SORL1: variants seen among roughly 807,000 people sequenced by gnomAD.
The protein encoded by SORL1 is sortilin-related receptor.
Under a neutral mutation model 273.7 loss-of-function variants are expected in SORL1, and 127 were observed. That is an observed-to-expected ratio of 0.46 (90% CI 0.40 to 0.54). The LOEUF is 0.54. Ranked by LOEUF, SORL1 falls within the 20% of genes least tolerant of loss-of-function variation. The pLI, the probability that SORL1 is intolerant of heterozygous loss-of-function variation, is 0.00. For missense variants in SORL1, 2,494 were observed against 2,846.1 expected, an observed-to-expected ratio of 0.88 and a Z score of 2.81; for synonymous variants, 1,031 against 1,067.4, an observed-to-expected ratio of 0.97 and a Z score of 0.66.
In SORL1 at chr11:121,627,287, A is replaced by G; in HGVS notation, c.6365-268A>G. ...CCAACAAAGGTCTCCCTTCCAAGAG[A>G]TTATCTAAATAACCAACAAGGCAGT... On this transcript the variant is annotated intron_variant, in intron 46 of 47. Coordinates refer to ENST00000260197, the MANE Select transcript of SORL1 (RefSeq NM_003105.6). The surrounding 1 kb of genome is among the most constrained non-coding windows in gnomAD (Gnocchi z 4.9). The G allele has an allele frequency of 2.1e-6, 1 of 467,846 alleles. No homozygotes were observed. Among genetic ancestry groups the G allele is most frequent in the Non-Finnish European group, 3.8e-6 (1 of 260,680 alleles). The allele number at this position is 467,846 out of a possible 1,614,324, so 29.0% of individuals were successfully genotyped here.
At position 121,606,965 on chromosome 11, in the gene SORL1, C is replaced by T. The variant is rs1167931661; in HGVS notation, c.5061+8C>T. The T allele has an allele frequency of 1.9e-6, 3 of 1,590,154 alleles. No individual in the cohort carries two copies. Among genetic ancestry groups the T allele is most frequent in the Admixed American group, 3.3e-5 (2 of 59,926 alleles). On this transcript the variant is annotated splice_region_variant and intron_variant, in intron 36 of 47. Transcript: ENST00000260197. ...CTCATCCGTGAGTACATTGTAAGTACCTTCCATGAGTTGGCTGTATGTGTG... is the reference window on the plus strand; with the variant it reads ...CTCATCCGTGAGTACATTGTAAGTATCTTCCATGAGTTGGCTGTATGTGTG...
intron 12 of SORL1, among the ~76,000 whole-genome samples, chr11:121,538,543 G>A (rs1488194003): frequency 6.6e-6 from 1 of 152,068 alleles, no homozygotes; most frequent in African/African-American, 2.4e-5. Context: ...CTTTCTTATG[G>A]ATCTTATTAT....
intron 6 of SORL1, among the ~76,000 whole-genome samples, 172 bp downstream of exon 6, chr11:121,497,221 T>C (rs1362826758): frequency 6.6e-6 from 1 of 152,200 alleles, no homozygotes; most frequent in Non-Finnish European, 1.5e-5. Context: ...CCGAAAGGGC[T>C]TGGCAGGTGC....
intron 19 of SORL1, 33 bp downstream of exon 19, chr11:121,557,438 C>T (rs749801148): frequency 1.2e-5 from 17 of 1,443,540 alleles, no homozygotes; most frequent in Admixed American, 1.7e-5. Context: ...ATCAGTCTTG[C>T]GTCCAATGCT....
At chr11:121,610,868 T>C (rs989654016) in intron 38 of SORL1, 9 of 488,978 alleles carry the variant, frequency 1.8e-5, no homozygotes, top group Non-Finnish European at 3.3e-5. Context: ...TGAGCCAAGA[T>C]AGTTTTGTGT....
intron 44 of SORL1, 133 bp downstream of exon 44, chr11:121,621,371 A>C (rs755809208): frequency 1.3e-6 from 1 of 781,866 alleles, no homozygotes; most frequent in Non-Finnish European, 2.0e-6. Flanking sequence ...CAATATTCCT[A>C]CAGGGGCAGA....
At chr11:121,507,225 G>T (rs1861802493) in intron 6 of SORL1, among the ~76,000 whole-genome samples, 1 of 152,048 alleles carries the variant, frequency 6.6e-6, no homozygotes, top group African/African-American at 2.4e-5. Context: ...TTTATCTTTG[G>T]CTTTCAGCAG....
chr11:121,485,369 A>T (rs971039519), intron 3 of SORL1, among the ~76,000 whole-genome samples: 1 of 152,262 alleles, frequency 6.6e-6, no homozygotes, highest in African/African-American at 2.4e-5. Flanking sequence ...CATGTGAACC[A>T]GTCAGATATT....
At chr11:121,460,631 C>T (rs1054748005) in intron 1 of SORL1, among the ~76,000 whole-genome samples, 5 of 151,994 alleles carry the variant, frequency 3.3e-5, no homozygotes, top group African/African-American at 7.3e-5. Context: ...CTCCTGACCT[C>T]GTGATTCACC....
At chr11:121,532,596 A>G (rs750788434) in intron 12 of SORL1, 44 bp downstream of exon 12, 1 of 1,496,226 alleles carries the variant, frequency 6.7e-7, no homozygotes, top group East Asian at 2.3e-5. Context: ...ACTTTCTCCC[A>G]GAAATTTACG....
intron 6 of SORL1, among the ~76,000 whole-genome samples, chr11:121,510,618 T>C (rs759818238): frequency 6.6e-6 from 1 of 152,206 alleles, no homozygotes; most frequent in Admixed American, 6.5e-5. Flanking sequence ...TTTTATCTCA[T>C]TGACTAGTAC....
At chr11:121,594,174 C>G (rs778764215) in intron 31 of SORL1, among the ~76,000 whole-genome samples, 16 of 151,660 alleles carry the variant, frequency 1.1e-4, no homozygotes, top group Admixed American at 6.6e-4. Context: ...AGAATCTTCC[C>G]TTTGGCACCA....
chr11:121,578,030 G>A (rs1483491774), intron 25 of SORL1, among the ~76,000 whole-genome samples: 1 of 152,152 alleles, frequency 6.6e-6, no homozygotes, highest in Non-Finnish European at 1.5e-5. Context: ...AGCTTGTGGA[G>A]AAATGAAAAC....
At chr11:121,564,911 T>C (rs1434325271) in intron 21 of SORL1, among the ~76,000 whole-genome samples, 3 of 152,182 alleles carry the variant, frequency 2.0e-5, no homozygotes. Context: ...TATTCCATTA[T>C]TGTTCAGGAT....
chr11:121,607,735 G>T (rs1278926702), intron 37 of SORL1, among the ~76,000 whole-genome samples: 1 of 152,150 alleles, frequency 6.6e-6, no homozygotes, highest in Non-Finnish European at 1.5e-5. Context: ...TGTTTGCTGA[G>T]ACCATTAAGT....
intron 6 of SORL1, among the ~76,000 whole-genome samples, chr11:121,512,648 C>T (rs1261991382): frequency 6.6e-6 from 1 of 152,170 alleles, no homozygotes; most frequent in African/African-American, 2.4e-5. Context: ...GTAGGCTCCT[C>T]CCTGCGTGTT....
At chr11:121,481,962 C>T (rs1205257592) in intron 3 of SORL1, among the ~76,000 whole-genome samples, 2 of 151,896 alleles carry the variant, frequency 1.3e-5, no homozygotes, top group Non-Finnish European at 2.9e-5. Flanking sequence ...AGCTCCTCCC[C>T]TAGTGCACAG....
rs1053882244 is a variant in SORL1, at chr11:121,471,599, C to T, written c.402+1476C>T. Among the ~76,000 whole-genome samples the T allele has an allele frequency of 2.0e-5, 3 of 152,318 alleles. 1 individual carries two copies. In the South Asian group the frequency reaches 6.2e-4, roughly 32 times the overall value. The stretch of plus-strand genomic sequence containing the variant: ...CGGGGGAACCTTCTGATGAATTTGC[C>T]AGCACTTTCACACTAGCCTTAAGGA... On this transcript the variant is annotated intron_variant, in intron 2 of 47. Transcript: ENST00000260197.
intron 1 of SORL1, among the ~76,000 whole-genome samples, chr11:121,463,238 T>C (rs547013752): frequency 6.7e-6 from 1 of 149,362 alleles, no homozygotes; most frequent in Admixed American, 6.7e-5. Flanking sequence ...CTGAGATTCT[T>C]TCTGGCTTTG....
Sources: allele counts gnomAD v4.1 joint callset (sites outside exome capture counted in the v4.1 genomes callset), GRCh38; gene constraint gnomAD v4.1.1; non-coding constraint Gnocchi (gnomAD v3.1); transcripts MANE v1.5; gene names NCBI Gene and HGNC (gene_info 2026-07-23, HGNC 2026-07-21).